ACAP2: variants seen among roughly 807,000 people sequenced by gnomAD.
ACAP2 encodes the protein ArfGAP with coiled-coil, ankyrin repeat and PH domains 2, also known as arf-GAP with coiled-coil, ANK repeat and PH domain-containing protein 2.
A neutral mutation model predicts 115.8 loss-of-function variants in ACAP2; 39 were observed. The ratio of observed to expected loss-of-function variants is 0.34; its 90% confidence interval spans 0.26 to 0.44. The LOEUF (loss-of-function observed/expected upper bound fraction) is 0.44. Ranked by LOEUF, ACAP2 falls within the 20% of genes least tolerant of loss-of-function variation. The pLI, the probability that ACAP2 is intolerant of heterozygous loss-of-function variation, is 1.00. For missense variants in ACAP2, 662 were observed against 927.6 expected, an observed-to-expected ratio of 0.71 and a Z score of 3.72; for synonymous variants, 289 against 315.8, an observed-to-expected ratio of 0.92 and a Z score of 0.90.
At chr3:195,394,472 A>G (rs1711575383) in intron 1 of ACAP2, among the ~76,000 whole-genome samples, 1 of 152,198 alleles carries the variant, frequency 6.6e-6, no homozygotes, top group Admixed American at 6.5e-5. Flanking sequence ...CTCCAATCTT[A>G]TTTCACTGTG....
chr3:195,313,999 A>G (rs528094692), intron 10 of ACAP2, among the ~76,000 whole-genome samples: 15 of 152,252 alleles, frequency 9.9e-5, no homozygotes, highest in Non-Finnish European at 1.5e-5. Context: ...ACCAACTACA[A>G]CAGTTCACAT....
At chr3:195,337,446 CTTTT>C (rs11411412) in intron 6 of ACAP2, among the ~76,000 whole-genome samples, 15 of 131,508 alleles carry the variant, frequency 1.1e-4, no homozygotes, top group Admixed American at 6.1e-4. Flanking sequence ...AACCAGTCAT[CTTTT>C]TTTTTTTTTT....
At chr3:195,303,549 C>T (rs566172572) in intron 13 of ACAP2, among the ~76,000 whole-genome samples, 47 of 151,708 alleles carry the variant, frequency 3.1e-4, no homozygotes, top group Admixed American at 2.4e-3. Context: ...ATCATGACAC[C>T]GTACTCCAGC....
chr3:195,402,219 A>T (rs1207070958), intron 1 of ACAP2, among the ~76,000 whole-genome samples: 1 of 152,176 alleles, frequency 6.6e-6, no homozygotes, highest in African/African-American at 2.4e-5. Flanking sequence ...TGATGAATGG[A>T]GCATTTAAAA....
At chr3:195,317,337 T>C (rs1054639088) in intron 10 of ACAP2, among the ~76,000 whole-genome samples, 2 of 152,176 alleles carry the variant, frequency 1.3e-5, no homozygotes, top group South Asian at 4.1e-4. Flanking sequence ...TATATTTACT[T>C]TACTAATGTC....
intron 1 of ACAP2, among the ~76,000 whole-genome samples, chr3:195,431,604 AT>A (rs113830959): frequency 0.02 from 2,785 of 138,332 alleles, 63 homozygotes; most frequent in African/African-American, 0.06. Flanking sequence ...TGCCCGACTA[AT>A]TTTTTTTTTT....
At chr3:195,391,474 T>TGC in intron 2 of ACAP2, among the ~76,000 whole-genome samples, 1 of 151,434 alleles carries the variant, frequency 6.6e-6, no homozygotes, top group East Asian at 2.0e-4. Flanking sequence ...GATCCGCCCA[T>TGC]CTCAGCCTCC....
intron 1 of ACAP2, among the ~76,000 whole-genome samples, chr3:195,399,714 A>C (rs929295732): frequency 1.3e-5 from 2 of 152,182 alleles, no homozygotes; most frequent in Non-Finnish European, 2.9e-5. Context: ...GGAGGAGTAT[A>C]ATTGAAAAAG....
chr3:195,436,560 G>T (rs1382359180), intron 1 of ACAP2, among the ~76,000 whole-genome samples: 1 of 152,024 alleles, frequency 6.6e-6, no homozygotes, highest in Non-Finnish European at 1.5e-5. Flanking sequence ...ACCTATTTAT[G>T]TCCTTAAATC....
rs1220440015 is a variant in ACAP2 at position 195,278,647 on chromosome 3, G to A, written c.*681C>T. 6.7e-6 allele frequency: 1 copy of A among 150,372 alleles called. No homozygotes were observed. The highest frequency in any genetic ancestry group is 1.5e-5 in the Non-Finnish European group (1 of 67,674). 9.3% of individuals were successfully genotyped at this position (150,372 alleles called of 1,614,324 possible). On this transcript the variant is annotated 3_prime_UTR_variant, in exon 23 of 23. Transcript: ENST00000326793. ...TAAAAAAAAAAAAGAGCTTCTTTTT[G>A]CTGCATAAAATAAATCTAAAGGACT...
chr3:195,295,729 T>C lies in ACAP2; in HGVS notation c.1651A>G (p.Arg551Gly), dbSNP rs1459469323. The change falls in exon 17 of 23, where the codon AGA becomes GGA. Residue 551 changes from arginine to glycine, a missense_variant. This residue lies in a region of ACAP2 where 133 missense variants were observed against 123.1 expected (regional missense o/e 1.08). Transcript: ENST00000326793. ...ISKFGPGDQV[R>G]ASAQSSVRSN... ...ATACCTGAACTTTGGGCAGATGCTCTGACTTGGTCCCCTGGCCCAAATTTA... is the reference window on the plus strand; with the variant it reads ...ATACCTGAACTTTGGGCAGATGCTCCGACTTGGTCCCCTGGCCCAAATTTA... 1.2e-6 allele frequency: 2 copies of C among 1,614,162 alleles called. No individual in the cohort carries two copies. Among genetic ancestry groups the C allele is most frequent in the Admixed American group, 3.3e-5 (2 of 60,020 alleles).
At chr3:195,367,436 A>G (rs189838100) in intron 4 of ACAP2, among the ~76,000 whole-genome samples, 156 of 152,304 alleles carry the variant, frequency 1.0e-3, no homozygotes, top group Non-Finnish European at 5.7e-4. Flanking sequence ...AATGGGGATT[A>G]GTTGACTATT....
intron 7 of ACAP2, 123 bp downstream of exon 7, chr3:195,336,809 G>A (rs1201255519): frequency 3.1e-5 from 24 of 781,972 alleles, no homozygotes; most frequent in Admixed American, 8.8e-5. Flanking sequence ...CACAAATGAA[G>A]ATCAAAAAGA....
Position 195,307,206 on chromosome 3 carries a change from C to T in ACAP2, c.1010+17G>A. ...AAAAACATAAAAGCAAATCACAGAT[C>T]CTTTAGAACCACTTACTTTGTTGGC... On this transcript the variant is annotated intron_variant, in intron 12 of 22. Coordinates refer to ENST00000326793, the MANE Select transcript of ACAP2 (RefSeq NM_012287.6). 1 of 1,593,260 alleles carries T rather than the reference C, an allele frequency of 6.3e-7. No homozygotes were observed. The highest frequency in any genetic ancestry group is 8.6e-7 in the Non-Finnish European group (1 of 1,165,526).
At chr3:195,345,216 T>C in intron 5 of ACAP2, 43 bp downstream of exon 5, 1 of 1,315,508 alleles carries the variant, frequency 7.6e-7, no homozygotes, top group Non-Finnish European at 1.1e-6. Context: ...AGATTGATCA[T>C]TAACTAGTTA....
At position 195,356,144 on chromosome 3, in the gene ACAP2, C is replaced by T. The variant is rs538599068; in HGVS notation, c.286-10827G>A. The T allele has an allele frequency of 8.3e-5, 38 of 456,726 alleles. No homozygotes were observed. In the East Asian group the frequency reaches 1.1e-3, roughly 13 times the overall value. 28.3% of individuals were successfully genotyped at this position (456,726 alleles called of 1,614,324 possible). A position where few individuals can be genotyped will look rare whatever the true frequency, so the allele number is the denominator to read the frequency against. On this transcript the variant is annotated intron_variant, in intron 4 of 22. Coordinates refer to ENST00000326793, the MANE Select transcript of ACAP2 (RefSeq NM_012287.6). ...TTGCTGACCCCAGCCCTCCCCCATG[C>T]GCTCGTAGCAACCACAGGGCACAGA... is the stretch of plus-strand genomic sequence containing the variant.
At chr3:195,406,935 T>C (rs767156794) in intron 1 of ACAP2, among the ~76,000 whole-genome samples, 28 of 152,288 alleles carry the variant, frequency 1.8e-4, no homozygotes, top group Non-Finnish European at 3.1e-4. Context: ...GACAGATAGA[T>C]TGGCTTAAAT....
Position 195,297,178 on chromosome 3 carries a change from C to G in ACAP2, c.1487+12G>C. On this transcript the variant is annotated intron_variant, in intron 16 of 22. Coordinates refer to ENST00000326793, the MANE Select transcript of ACAP2 (RefSeq NM_012287.6). ...ATTCCTAATTAGGGGGAAAAAACAA[C>G]TGAAATAGTACCTTTGTCCTGGTTG... The G allele has an allele frequency of 6.2e-7, 1 of 1,606,712 alleles. No homozygotes were observed. The highest frequency in any genetic ancestry group is 8.5e-7 in the Non-Finnish European group (1 of 1,176,030).
At position 195,381,006 on chromosome 3, in the gene ACAP2, T is replaced by C; in HGVS notation, c.285+3A>G. The C allele has an allele frequency of 6.3e-7, 1 of 1,596,260 alleles. No individual in the cohort carries two copies. ...ATAGTAACACCTACTTACTGACACTTACTGTGTGAAAATTTATCATTTCTT... is the reference window on the plus strand; with the variant it reads ...ATAGTAACACCTACTTACTGACACTCACTGTGTGAAAATTTATCATTTCTT... On this transcript the variant is annotated splice_donor_region_variant and intron_variant, in intron 4 of 22. Coordinates refer to ENST00000326793, the MANE Select transcript of ACAP2 (RefSeq NM_012287.6).
Sources: allele counts gnomAD v4.1 joint callset (sites outside exome capture counted in the v4.1 genomes callset), GRCh38; gene constraint gnomAD v4.1.1; regional missense constraint gnomAD v4.1.1; transcripts MANE v1.5; gene names NCBI Gene and HGNC (gene_info 2026-07-23, HGNC 2026-07-21).